The following TBCE variants were observed in gnomAD, a reference collection of about 807,000 sequenced individuals.
The protein encoded by TBCE is tubulin folding cofactor E.
In TBCE, 53 loss-of-function variants were observed where a neutral mutation model predicts 77.0. The observed-to-expected ratio is 0.69, with a 90% CI of 0.55 to 0.87. The LOEUF (loss-of-function observed/expected upper bound fraction) is 0.87, where lower values mean the gene tolerates loss of function less well. TBCE is among the 40% of genes least tolerant of loss of function. The pLI is 0.00. For missense variants in TBCE, 624 were observed against 622.4 expected, an observed-to-expected ratio of 1.00 and a Z score of -0.03; for synonymous variants, 235 against 241.3, an observed-to-expected ratio of 0.97 and a Z score of 0.24.
At chr1:235,395,475 A>G (rs1402664923) in intron 2 of TBCE, among the ~76,000 whole-genome samples, 2 of 151,608 alleles carry the variant, frequency 1.3e-5, no homozygotes, top group Non-Finnish European at 2.9e-5. Flanking sequence ...TTTTGTGCCC[A>G]TTAACCATTC....
chr1:235,398,902 C>G (rs1008626099), intron 2 of TBCE, among the ~76,000 whole-genome samples: 3 of 151,934 alleles, frequency 2.0e-5, no homozygotes, highest in Non-Finnish European at 4.4e-5. Context: ...GTCTTGGCCT[C>G]CCAAAGTGCT....
chr1:235,377,854 T>C (rs895762958), intron 1 of TBCE, among the ~76,000 whole-genome samples: 3 of 152,058 alleles, frequency 2.0e-5, no homozygotes, highest in Admixed American at 2.0e-4. Flanking sequence ...GGTTTCACCA[T>C]GGTGGTCAGG....
At chr1:235,408,301 A>G (rs1236163851) in intron 3 of TBCE, among the ~76,000 whole-genome samples, 2 of 152,216 alleles carry the variant, frequency 1.3e-5, no homozygotes, top group African/African-American at 4.8e-5. Context: ...AATTAAACTA[A>G]AAAAAGAAAG....
chr1:235,446,700 T>G (rs567514413), intron 15 of TBCE, among the ~76,000 whole-genome samples: 19 of 151,894 alleles, frequency 1.3e-4, no homozygotes, highest in African/African-American at 3.6e-4. Context: ...GGCAGGTTTT[T>G]TTTTTTTTTT....
At chr1:235,386,760 C>T (rs1257516845) in intron 2 of TBCE, among the ~76,000 whole-genome samples, 56 of 152,244 alleles carry the variant, frequency 3.7e-4, no homozygotes, top group African/African-American at 1.3e-3. Flanking sequence ...TCCTGTAGCT[C>T]GGAGTAGTTT....
intron 5 of TBCE, among the ~76,000 whole-genome samples, chr1:235,425,518 A>G (rs986320842): frequency 6.6e-6 from 1 of 152,118 alleles, no homozygotes; most frequent in Non-Finnish European, 1.5e-5. Flanking sequence ...CATAATATAG[A>G]TCAAAGTCAA....
At chr1:235,445,275 T>C (rs936950838) in intron 15 of TBCE, among the ~76,000 whole-genome samples, 2 of 152,200 alleles carry the variant, frequency 1.3e-5, no homozygotes, top group Non-Finnish European at 2.9e-5. Flanking sequence ...TTCTTAATAC[T>C]AATTCTTATG....
intron 2 of TBCE, among the ~76,000 whole-genome samples, chr1:235,388,210 T>C (rs540274525): frequency 6.3e-4 from 95 of 151,934 alleles, no homozygotes; most frequent in African/African-American, 2.0e-3. Context: ...TCTCAGGTCT[T>C]AAAACTTTTA....
In TBCE at chr1:235,440,064, G is replaced by A. The variant is rs570315018; in HGVS notation, c.1270+1142G>A. On this transcript the variant is annotated intron_variant, in intron 13 of 16. Coordinates refer to ENST00000642610, the MANE Select transcript of TBCE (RefSeq NM_003193.5). ...CCGCTCACTGCAAGCTCCGCCTCCC[G>A]GGTTCACGCCATTCTCCTGCCTCAG... is the stretch of plus-strand genomic sequence containing the variant. Among the ~76,000 whole-genome samples, 18 of 152,190 alleles carry A rather than the reference G, an allele frequency of 1.2e-4. No homozygotes were observed. In the South Asian group the frequency reaches 2.7e-3, roughly 23 times the overall value.
chr1:235,386,601 G>A (rs1287214309), intron 2 of TBCE, among the ~76,000 whole-genome samples: 1 of 152,084 alleles, frequency 6.6e-6, no homozygotes, highest in Non-Finnish European at 1.5e-5. Flanking sequence ...CAGCTCCTGA[G>A]GCTTCTGCAT....
Position 235,449,385 on chromosome 1 carries a change from G to A in TBCE, c.*623G>A, listed in dbSNP as rs1682755166. The A allele has an allele frequency of 6.5e-6, 1 of 153,132 alleles. No individual in the cohort carries two copies. Among genetic ancestry groups the A allele is most frequent in the South Asian group, 2.0e-4 (1 of 4,916 alleles). 9.5% of individuals were successfully genotyped at this position (153,132 alleles called of 1,614,324 possible). On this transcript the variant is annotated 3_prime_UTR_variant, in exon 17 of 17. Coordinates refer to ENST00000642610, the MANE Select transcript of TBCE (RefSeq NM_003193.5). ...GGTAAACATTAGGCAATGATAGGAG[G>A]AAAGCAAAACTAATTCTTTCAAAAT...
chr1:235,419,575 C>T lies in TBCE; in HGVS notation c.460+14C>T, dbSNP rs143717755. 1.9e-4 allele frequency: 304 copies of T among 1,613,762 alleles called. No homozygotes were observed. The highest frequency in any genetic ancestry group is 3.3e-4 in the Admixed American group (20 of 59,958). ...AAGCATGTCCTAGTATCCTTTTCAC[C>T]GAGAGCTTGTTATTGGAATCTGACT... is the stretch of plus-strand genomic sequence containing the variant. On this transcript the variant is annotated intron_variant, in intron 5 of 16. Coordinates refer to ENST00000642610, the MANE Select transcript of TBCE (RefSeq NM_003193.5).
rs1004172021 is a variant in TBCE at position 235,445,426 on chromosome 1, C to T, written c.1399+2515C>T. ...GGCAAATTGCTTGAGCCCAGGAGTT[C>T]GAGACCAGCCTGAGCAACATGGTGA... On this transcript the variant is annotated intron_variant, in intron 15 of 16. Coordinates refer to ENST00000642610, the MANE Select transcript of TBCE (RefSeq NM_003193.5). 2.6e-5 allele frequency among the ~76,000 whole-genome samples: 4 copies of T among 152,100 alleles called. No homozygotes were observed. In the East Asian group the frequency reaches 5.8e-4, roughly 22 times the overall value.
intron 2 of TBCE, among the ~76,000 whole-genome samples, chr1:235,391,332 A>G (rs1053663539): frequency 2.3e-4 from 35 of 152,012 alleles, no homozygotes; most frequent in Admixed American, 7.2e-4. Flanking sequence ...CAGTACAAAA[A>G]AAATTAGCTG....
Position 235,449,004 on chromosome 1 carries a change from G to GTT in TBCE, c.*242_*243insTT. On this transcript the variant is annotated 3_prime_UTR_variant, in exon 17 of 17. Coordinates refer to ENST00000642610, the MANE Select transcript of TBCE (RefSeq NM_003193.5). ...ATCTTATTTCATATTTATTTTTACAGCTCATCACTGCATTTCATGATAAGA... is the reference window on the plus strand; with the variant it reads ...ATCTTATTTCATATTTATTTTTACAGTTCTCATCACTGCATTTCATGATAAGA... 6 of 437,898 alleles carry GTT rather than the reference G, an allele frequency of 1.4e-5. No individual in the cohort carries two copies. Among genetic ancestry groups the GTT allele is most frequent in the South Asian group, 1.1e-4 (5 of 45,802 alleles). 27.1% of individuals were successfully genotyped at this position (437,898 alleles called of 1,614,324 possible).
Position 235,448,862 on chromosome 1 carries a change from G to A in TBCE, c.*100G>A. On this transcript the variant is annotated 3_prime_UTR_variant, in exon 17 of 17. Transcript: ENST00000642610. ...AACAATTCTACTGTCAAAACAAAGG[G>A]GGTTTACAACTTGTCCTAAGTATAA... 1 of 929,626 alleles carries A rather than the reference G, an allele frequency of 1.1e-6. No individual in the cohort carries two copies. The highest frequency in any genetic ancestry group is 1.4e-5 in the South Asian group (1 of 73,678). The allele number at this position is 929,626 out of a possible 1,614,324, so 57.6% of individuals were successfully genotyped here. A position where few individuals can be genotyped will look rare whatever the true frequency, so the allele number is the denominator to read the frequency against.
At position 235,382,467 on chromosome 1, in the gene TBCE, C is replaced by G. The variant is rs1266194978; in HGVS notation, c.100+2318C>G. 4.6e-5 allele frequency among the ~76,000 whole-genome samples: 7 copies of G among 152,212 alleles called. No individual in the cohort carries two copies. The East Asian group carries it at 1.4e-3, about 29-fold the overall frequency. Reference sequence around the variant, plus strand: ...GTGTTCCTATTTCTCCACATCCTCTCCAGCACCTGTTGTTTCCTGACTTTT... The same window carrying G: ...GTGTTCCTATTTCTCCACATCCTCTGCAGCACCTGTTGTTTCCTGACTTTT... On this transcript the variant is annotated intron_variant, in intron 2 of 16. Transcript: ENST00000642610.
chr1:235,377,414 T>G (rs1466580143), intron 1 of TBCE, among the ~76,000 whole-genome samples: 1 of 152,172 alleles, frequency 6.6e-6, no homozygotes, highest in East Asian at 1.9e-4. Context: ...CTCTTGACCT[T>G]GTGATCTGCC....
chr1:235,376,453 G>T (rs912509714), intron 1 of TBCE, among the ~76,000 whole-genome samples: 1 of 152,106 alleles, frequency 6.6e-6, no homozygotes, highest in South Asian at 2.1e-4. Flanking sequence ...TCTGGATTTA[G>T]ATAATCCCTA....
Sources: allele counts gnomAD v4.1 joint callset (sites outside exome capture counted in the v4.1 genomes callset), GRCh38; gene constraint gnomAD v4.1.1; transcripts MANE v1.5; gene names NCBI Gene and HGNC (gene_info 2026-07-23, HGNC 2026-07-21).